The following ZCCHC14 variants were observed in gnomAD, a reference collection of about 807,000 sequenced individuals.
The protein encoded by ZCCHC14 is zinc finger CCHC-type containing 14, also known as zinc finger CCHC domain-containing protein 14.
A neutral mutation model predicts 85.0 loss-of-function variants in ZCCHC14; 16 were observed. The observed-to-expected ratio is 0.19, with a 90% CI of 0.13 to 0.29. The LOEUF (loss-of-function observed/expected upper bound fraction) is 0.29. Ranked by LOEUF, ZCCHC14 falls within the 10% of genes least tolerant of loss-of-function variation. The pLI is 1.00. For missense variants in ZCCHC14, 1,303 were observed against 1,443.5 expected (o/e 0.90, Z 1.58); for synonymous variants, 775 against 630.7 (o/e 1.23, Z -3.43).
intron 10 of ZCCHC14, among the ~76,000 whole-genome samples, chr16:87,413,451 A>G (rs1281491950): frequency 6.6e-6 from 1 of 152,204 alleles, no homozygotes; most frequent in East Asian, 1.9e-4. Context: ...TGCCCTGTGA[A>G]GGGCACCCCC....
chr16:87,481,825 T>C (rs1162297971), intron 1 of ZCCHC14, among the ~76,000 whole-genome samples: 1 of 152,164 alleles, frequency 6.6e-6, no homozygotes, highest in Non-Finnish European at 1.5e-5. Flanking sequence ...TGTAACAGAA[T>C]ACCACAGAGT....
chr16:87,419,736 GT>G (rs372390408), intron 6 of ZCCHC14, 46 bp downstream of exon 6: 121,106 of 1,017,724 alleles, frequency 0.12, no homozygotes, highest in East Asian at 0.14. Flanking sequence ...GCGCCCAGCT[GT>G]TTTTTTTTTT....
chr16:87,483,698 G>A (rs917471278), intron 1 of ZCCHC14, among the ~76,000 whole-genome samples: 2 of 152,184 alleles, frequency 1.3e-5, no homozygotes, highest in African/African-American at 2.4e-5. Flanking sequence ...CGCTGGGCTC[G>A]TTAAAGGTTA....
intron 4 of ZCCHC14, among the ~76,000 whole-genome samples, chr16:87,421,492 C>T (rs1300279805): frequency 1.3e-5 from 2 of 152,162 alleles, no homozygotes; most frequent in Non-Finnish European, 2.9e-5. Context: ...GAGGAAGTGC[C>T]ACCCCGAAGC....
chr16:87,420,909 C>T lies in ZCCHC14; in HGVS notation c.841-193G>A, dbSNP rs544713560. Among the ~76,000 whole-genome samples, 7 of 152,346 alleles carry T rather than the reference C, an allele frequency of 4.6e-5. No individual in the cohort carries two copies. Among genetic ancestry groups the T allele is most frequent in the Admixed American group, 3.3e-4 (5 of 15,304 alleles). On this transcript the variant is annotated intron_variant, in intron 4 of 12. Coordinates refer to ENST00000671377, the MANE Select transcript of ZCCHC14 (RefSeq NM_015144.3). The surrounding 1 kb of genome is among the most constrained non-coding windows in gnomAD (Gnocchi z 5.0). ...TGTAGAAAGTCACAAAAGAACATCGCTCTCACAGTTACATCCGGAAAAGCT... is the reference window on the plus strand; with the variant it reads ...TGTAGAAAGTCACAAAAGAACATCGTTCTCACAGTTACATCCGGAAAAGCT...
intron 2 of ZCCHC14, among the ~76,000 whole-genome samples, chr16:87,449,037 C>G (rs1910569972): frequency 6.6e-6 from 1 of 152,200 alleles, no homozygotes; most frequent in Non-Finnish European, 1.5e-5. Flanking sequence ...GTCCCCAGTT[C>G]AAGGAGGATG....
chr16:87,414,095 G>T (rs780202176), intron 10 of ZCCHC14, among the ~76,000 whole-genome samples: 2 of 136,590 alleles, frequency 1.5e-5, no homozygotes, highest in Non-Finnish European at 3.0e-5. Context: ...CTGTGTCTGC[G>T]TAACCGACCT....
In ZCCHC14 at chr16:87,420,846, C is replaced by T. The variant is rs993054075; in HGVS notation, c.841-130G>A. On this transcript the variant is annotated intron_variant, in intron 4 of 12. Transcript: ENST00000671377. This position sits in a 1 kb window ranked among gnomAD's most constrained non-coding sequence, Gnocchi z 5.0. ...TGCTGGTCTGATATGATTTACACCT[C>T]CCGTCAGAGCTATTCTGGGGCCCAC... The T allele has an allele frequency of 1.5e-6, 1 of 647,164 alleles. No homozygotes were observed. The highest frequency in any genetic ancestry group is 2.6e-6 in the Non-Finnish European group (1 of 385,338). The allele number at this position is 647,164 out of a possible 1,614,324, so 40.1% of individuals were successfully genotyped here.
intron 9 of ZCCHC14, 104 bp downstream of exon 9, chr16:87,415,172 G>A (rs1320509185): frequency 3.4e-6 from 3 of 881,222 alleles, no homozygotes; most frequent in Non-Finnish European, 5.6e-6. Flanking sequence ...TAAGCAACAG[G>A]AACTAATCCA....
chr16:87,467,453 TG>T, intron 1 of ZCCHC14: 1 of 1,606,546 alleles, frequency 6.2e-7, no homozygotes, highest in South Asian at 1.1e-5. Flanking sequence ...CTGCCATTTC[TG>T]TTCACGGTGT....
intron 1 of ZCCHC14, among the ~76,000 whole-genome samples, chr16:87,484,939 CAG>C (rs1400535480): frequency 1.3e-5 from 2 of 152,148 alleles, no homozygotes; most frequent in African/African-American, 4.8e-5. Flanking sequence ...CCTGAGGAAA[CAG>C]AGGGGTGTGA....
intron 1 of ZCCHC14, among the ~76,000 whole-genome samples, chr16:87,464,315 CAG>C (rs1430255795): frequency 6.6e-6 from 1 of 152,192 alleles, no homozygotes; most frequent in African/African-American, 2.4e-5. Flanking sequence ...CCACCAAAAT[CAG>C]AGTTTCTGGA....
chr16:87,436,865 GC>G (rs985525847), intron 2 of ZCCHC14, among the ~76,000 whole-genome samples: 5 of 152,204 alleles, frequency 3.3e-5, no homozygotes, highest in African/African-American at 1.2e-4. Flanking sequence ...GTGTACGGTG[GC>G]GAAGTGAAGA....
intron 1 of ZCCHC14, chr16:87,467,356 C>G: frequency 6.3e-7 from 1 of 1,597,104 alleles, no homozygotes; most frequent in Admixed American, 1.7e-5. Flanking sequence ...CAACTCTGCA[C>G]CCCTGGGGTA....
chr16:87,467,112 T>G, intron 1 of ZCCHC14: 1 of 703,444 alleles, frequency 1.4e-6, no homozygotes, highest in East Asian at 2.7e-5. Flanking sequence ...CTCTAACTCC[T>G]GGCCTCAAAA....
At chr16:87,470,125 G>A (rs1221873002) in intron 1 of ZCCHC14, among the ~76,000 whole-genome samples, 1 of 151,942 alleles carries the variant, frequency 6.6e-6, no homozygotes, top group African/African-American at 2.4e-5. Flanking sequence ...CTGAGGTCAG[G>A]AGTTCAAGAC....
At chr16:87,468,913 G>C (rs972948568) in intron 1 of ZCCHC14, among the ~76,000 whole-genome samples, 40 of 152,210 alleles carry the variant, frequency 2.6e-4, no homozygotes, top group African/African-American at 9.4e-4. Context: ...TACTGCGTCT[G>C]CATGTGGAAT....
intron 2 of ZCCHC14, among the ~76,000 whole-genome samples, chr16:87,448,119 A>G (rs1176594597): frequency 1.3e-5 from 2 of 152,198 alleles, no homozygotes; most frequent in African/African-American, 4.8e-5. Flanking sequence ...AATCTTCACA[A>G]TCATTAACGT....
At chr16:87,462,467 GCA>G (rs1911310036) in intron 1 of ZCCHC14, among the ~76,000 whole-genome samples, 1 of 152,224 alleles carries the variant, frequency 6.6e-6, no homozygotes, top group African/African-American at 2.4e-5. Context: ...AAGGCCGGGT[GCA>G]GTGGCTCACG....
Sources: allele counts gnomAD v4.1 joint callset (sites outside exome capture counted in the v4.1 genomes callset), GRCh38; gene constraint gnomAD v4.1.1; non-coding constraint Gnocchi (gnomAD v3.1); transcripts MANE v1.5; gene names NCBI Gene and HGNC (gene_info 2026-07-23, HGNC 2026-07-21).